The following ITPKB variants were observed in gnomAD, a reference collection of about 807,000 sequenced individuals.
ITPKB encodes IP3 3-kinase B.
In ITPKB, 13 loss-of-function variants were observed where a neutral mutation model predicts 69.4. The observed-to-expected ratio is 0.19, with a 90% CI of 0.12 to 0.30. The LOEUF (loss-of-function observed/expected upper bound fraction) is 0.30. ITPKB is among the 10% of genes least tolerant of loss of function. The pLI is 1.00. For missense variants in ITPKB, 1,240 were observed against 1,250.5 expected (o/e 0.99, Z 0.13); for synonymous variants, 584 against 513.7 (o/e 1.14, Z -1.85).
At chr1:226,640,911 C>G (rs1018854150) in intron 5 of ITPKB, among the ~76,000 whole-genome samples, 2 of 152,340 alleles carry the variant, frequency 1.3e-5, no homozygotes, top group African/African-American at 4.8e-5. Flanking sequence ...TAAATGCCAT[C>G]TGAAAGGAGG....
At chr1:226,657,021 A>G (rs1362175716) in intron 2 of ITPKB, 1 of 152,236 alleles carries the variant, frequency 6.6e-6, no homozygotes, top group Non-Finnish European at 1.5e-5. Flanking sequence ...GCACTTTCAG[A>G]GGGCCTGATC....
Position 226,738,729 on chromosome 1 carries a change from C to T in ITPKB, c.-206+312G>A, listed in dbSNP as rs1657899158. 6.6e-6 allele frequency among the ~76,000 whole-genome samples: 1 copy of T among 152,200 alleles called. No individual in the cohort carries two copies. The highest frequency in any genetic ancestry group is 6.5e-5 in the Admixed American group (1 of 15,290). On this transcript the variant is annotated intron_variant, in intron 1 of 7. Coordinates refer to ENST00000429204, the MANE Select transcript of ITPKB (RefSeq NM_002221.4). This position sits in a 1 kb window ranked among gnomAD's most constrained non-coding sequence, Gnocchi z 4.2. ...GCGCAGGGCTTCTCCGCATCCCGGGCAGCCTCGCCCGGCGCCAGCAGAGCC... is the reference window on the plus strand; with the variant it reads ...GCGCAGGGCTTCTCCGCATCCCGGGTAGCCTCGCCCGGCGCCAGCAGAGCC...
intron 2 of ITPKB, among the ~76,000 whole-genome samples, chr1:226,688,217 G>C (rs1395927636): frequency 6.6e-6 from 1 of 152,208 alleles, no homozygotes; most frequent in Non-Finnish European, 1.5e-5. Flanking sequence ...TGCAGCCCTG[G>C]AGGGTTCCAG....
chr1:226,637,667 C>T lies in ITPKB; in HGVS notation c.2625+12G>A, dbSNP rs1668866514. On this transcript the variant is annotated intron_variant, in intron 7 of 7. Transcript: ENST00000429204. This position sits in a 1 kb window ranked among gnomAD's most constrained non-coding sequence, Gnocchi z 4.3. ...AGCATTCTGCTCAAGAGGGCAAAAG[C>T]CCAGTATCTACCTCGTGGCACTTGA... The T allele has an allele frequency of 6.2e-7, 1 of 1,605,868 alleles. No individual in the cohort carries two copies. The highest frequency in any genetic ancestry group is 1.3e-5 in the African/African-American group (1 of 74,754).
At chr1:226,636,589 G>A (rs570857125) in intron 7 of ITPKB, among the ~76,000 whole-genome samples, 49 of 152,210 alleles carry the variant, frequency 3.2e-4, no homozygotes, top group Non-Finnish European at 5.9e-4. Context: ...ATAGGCTGAG[G>A]CTGAGGCCAC....
intron 2 of ITPKB, among the ~76,000 whole-genome samples, chr1:226,690,948 T>C (rs1656334691): frequency 6.6e-6 from 1 of 152,192 alleles, no homozygotes; most frequent in Admixed American, 6.5e-5. Context: ...TTATGCTCCA[T>C]GAAATAAGCC....
chr1:226,737,069 C>T lies in ITPKB; in HGVS notation c.390G>A (p.Lys130=), dbSNP rs144653273. 5.1e-5 allele frequency: 82 copies of T among 1,611,220 alleles called. No individual in the cohort carries two copies. The East Asian group carries it at 1.6e-3, about 31-fold the overall frequency. Residue 130 remains lysine, a synonymous_variant, in exon 2 of 8, where the codon AAG becomes AAA. Transcript: ENST00000429204. The stretch of plus-strand genomic sequence containing the variant: ...GCAACTCGCGCTGCAAGATCCGCAG[C>T]TTCCTCTTGGCCTCCTCCGGCCCTG... The part of the protein sequence containing the change: ...SPPGPEEAKR[K]LRILQRELQN...
intron 2 of ITPKB, among the ~76,000 whole-genome samples, chr1:226,723,425 G>C (rs1176730107): frequency 6.6e-6 from 1 of 152,146 alleles, no homozygotes; most frequent in African/African-American, 2.4e-5. Flanking sequence ...GAGAGAGCCT[G>C]TGTTAATAAG....
chr1:226,700,482 A>C (rs1015567570), intron 2 of ITPKB, among the ~76,000 whole-genome samples: 17 of 150,732 alleles, frequency 1.1e-4, no homozygotes, highest in Admixed American at 2.0e-4. Context: ...AAAAAAAAAA[A>C]AAAAAAAAAA....
At chr1:226,635,345 C>T (rs112056490) in intron 7 of ITPKB, among the ~76,000 whole-genome samples, 3,558 of 152,248 alleles carry the variant, frequency 0.023, 132 homozygotes, top group African/African-American at 0.081. Context: ...CACAGCCTCC[C>T]GAGTAGTTGG....
intron 2 of ITPKB, among the ~76,000 whole-genome samples, chr1:226,659,221 G>A (rs1303316165): frequency 1.3e-5 from 2 of 152,074 alleles, no homozygotes; most frequent in African/African-American, 2.4e-5. Flanking sequence ...GCACCCAGGG[G>A]CCCTCCATCA....
chr1:226,717,826 A>C (rs1657132010), intron 2 of ITPKB, among the ~76,000 whole-genome samples: 1 of 152,252 alleles, frequency 6.6e-6, no homozygotes, highest in Non-Finnish European at 1.5e-5. Context: ...AGAGATGACC[A>C]AACACCTTCA....
rs574961734 is a variant in ITPKB at position 226,701,585 on chromosome 1, A to C, written c.1932+33942T>G. Among the ~76,000 whole-genome samples, 178 of 144,542 alleles carry C rather than the reference A, an allele frequency of 1.2e-3. 1 individual carries two copies. Among genetic ancestry groups the C allele is most frequent in the African/African-American group, 4.3e-3 (167 of 38,776 alleles). 94.8% of individuals were successfully genotyped at this position (144,542 alleles called of 152,430 possible). ...CGCCACTGCAGTCCAGCTTGGGCGA[A>C]AGAGTGAGACTCCGTCTCAAAAAAA... On this transcript the variant is annotated intron_variant, in intron 2 of 7. Coordinates refer to ENST00000429204, the MANE Select transcript of ITPKB (RefSeq NM_002221.4).
Position 226,738,120 on chromosome 1 carries a change from G to T in ITPKB, c.-205-457C>A, listed in dbSNP as rs745505395. On this transcript the variant is annotated intron_variant, in intron 1 of 7. Transcript: ENST00000429204. This position sits in a 1 kb window ranked among gnomAD's most constrained non-coding sequence, Gnocchi z 4.2. ...GGCAGCCCTCGCCCTGGGCTTCAGGGTCTCCCTGCTCCACCCTCTCGGGGC... is the reference window on the plus strand; with the variant it reads ...GGCAGCCCTCGCCCTGGGCTTCAGGTTCTCCCTGCTCCACCCTCTCGGGGC... Among the ~76,000 whole-genome samples the T allele has an allele frequency of 6.6e-6, 1 of 152,088 alleles. No homozygotes were observed. The highest frequency in any genetic ancestry group is 6.5e-5 in the Admixed American group (1 of 15,280).
chr1:226,667,632 A>C (rs1669529350), intron 2 of ITPKB, among the ~76,000 whole-genome samples: 1 of 151,956 alleles, frequency 6.6e-6, no homozygotes, highest in South Asian at 2.1e-4. Context: ...GACCACCCAC[A>C]TTTTCTGACA....
chr1:226,689,431 G>C (rs1231082535), intron 2 of ITPKB, among the ~76,000 whole-genome samples: 4 of 152,188 alleles, frequency 2.6e-5, no homozygotes, highest in Non-Finnish European at 5.9e-5. Flanking sequence ...TGCGGGCCAG[G>C]TACTGTGGTA....
chr1:226,712,674 G>C (rs185345991), intron 2 of ITPKB, among the ~76,000 whole-genome samples: 1 of 152,340 alleles, frequency 6.6e-6, no homozygotes, highest in East Asian at 1.9e-4. Flanking sequence ...CCGTCTGTCT[G>C]TTCTGGCCCT....
intron 4 of ITPKB, among the ~76,000 whole-genome samples, chr1:226,643,808 TAC>T (rs1558300749): frequency 6.6e-6 from 1 of 150,378 alleles, no homozygotes. Context: ...TGTGCGCACA[TAC>T]ACACACATGT....
rs139459912 is a variant in ITPKB, at chr1:226,634,156, C to T, written c.*515G>A. The T allele has an allele frequency of 6.4e-3, 1,011 of 157,264 alleles. 14 individuals are homozygous for T. The highest frequency in any genetic ancestry group is 0.022 in the African/African-American group (934 of 41,596). The allele number at this position is 157,264 out of a possible 1,614,324, so 9.7% of individuals were successfully genotyped here. ...TGCTCACAGTCAACATGTGGTTCCC[C>T]GATGGTTTTGTGCCCCAACTACCAG... On this transcript the variant is annotated 3_prime_UTR_variant, in exon 8 of 8. Coordinates refer to ENST00000429204, the MANE Select transcript of ITPKB (RefSeq NM_002221.4). This position sits in a 1 kb window ranked among gnomAD's most constrained non-coding sequence, Gnocchi z 6.3.
Sources: allele counts gnomAD v4.1 joint callset (sites outside exome capture counted in the v4.1 genomes callset), GRCh38; gene constraint gnomAD v4.1.1; non-coding constraint Gnocchi (gnomAD v3.1); transcripts MANE v1.5; gene names NCBI Gene and HGNC (gene_info 2026-07-23, HGNC 2026-07-21).